The following DLG2 variants were observed in gnomAD, a reference collection of about 807,000 sequenced individuals.
The protein encoded by DLG2 is discs large MAGUK scaffold protein 2, also known as disks large homolog 2.
A neutral mutation model predicts 132.5 loss-of-function variants in DLG2; 45 were observed. That is an observed-to-expected ratio of 0.34 (90% CI 0.27 to 0.44). DLG2 has a LOEUF of 0.44. Among genes scored for constraint, DLG2 ranks in the 20% least tolerant of loss-of-function variants. The pLI, the probability that DLG2 is intolerant of heterozygous loss-of-function variation, is 1.00. For synonymous variants in DLG2, 424 were observed against 419.6 expected (o/e 1.01, Z -0.13); for missense variants, 1,045 against 1,196.9 (o/e 0.87, Z 1.87).
At chr11:84,208,265 C>T (rs1435232826) in intron 8 of DLG2, among the ~76,000 whole-genome samples, 2 of 151,770 alleles carry the variant, frequency 1.3e-5, no homozygotes, top group African/African-American at 2.4e-5. Context: ...ACACAACCGA[C>T]TTTGGTGCAC....
At chr11:84,463,704 A>AT (rs1429294925) in intron 7 of DLG2, among the ~76,000 whole-genome samples, 1 of 151,342 alleles carries the variant, frequency 6.6e-6, no homozygotes, top group African/African-American at 2.4e-5. Flanking sequence ...CTCAGGGTCT[A>AT]TCGTGTTTGA....
At chr11:85,543,148 C>T (rs2076084041) in intron 3 of DLG2, among the ~76,000 whole-genome samples, 1 of 152,168 alleles carries the variant, frequency 6.6e-6, no homozygotes, top group African/African-American at 2.4e-5. Flanking sequence ...GGCCCCCATC[C>T]TCAACAGGCT....
chr11:83,578,371 G>A (rs901608243), intron 19 of DLG2, among the ~76,000 whole-genome samples: 1 of 151,780 alleles, frequency 6.6e-6, no homozygotes, highest in African/African-American at 2.4e-5. Context: ...AGAGAATAGA[G>A]AACAGTACCA....
chr11:85,227,140 C>G (rs1423771065), intron 4 of DLG2, among the ~76,000 whole-genome samples: 1 of 152,016 alleles, frequency 6.6e-6, no homozygotes, highest in Non-Finnish European at 1.5e-5. Flanking sequence ...AAAATAGCAT[C>G]TATGAAAGGA....
chr11:85,131,261 A>G (rs2075684489), intron 5 of DLG2, among the ~76,000 whole-genome samples: 1 of 152,138 alleles, frequency 6.6e-6, no homozygotes, highest in Non-Finnish European at 1.5e-5. Flanking sequence ...AATATAGTAG[A>G]CTTCTAGTTT....
At chr11:85,195,787 A>G (rs2081019955) in intron 4 of DLG2, among the ~76,000 whole-genome samples, 1 of 152,000 alleles carries the variant, frequency 6.6e-6, no homozygotes, top group South Asian at 2.1e-4. Context: ...CGGCCTCCCA[A>G]AGTGCTGGGA....
chr11:84,417,742 C>T (rs2098934677), intron 7 of DLG2, among the ~76,000 whole-genome samples: 1 of 152,154 alleles, frequency 6.6e-6, no homozygotes, highest in South Asian at 2.1e-4. Context: ...AAAACAATGA[C>T]AGAATTCATG....
intron 6 of DLG2, among the ~76,000 whole-genome samples, chr11:84,959,162 A>C (rs2052155950): frequency 6.6e-6 from 1 of 152,150 alleles, no homozygotes; most frequent in African/African-American, 2.4e-5. Context: ...ATTCTAAATG[A>C]ATCAAGGGTC....
intron 18 of DLG2, among the ~76,000 whole-genome samples, chr11:83,729,098 C>A (rs953771963): frequency 1.3e-5 from 2 of 152,006 alleles, no homozygotes; most frequent in Non-Finnish European, 2.9e-5. Flanking sequence ...AAAGTCCCAC[C>A]CAGGAAAGAC....
At chr11:84,937,105 T>A (rs2048842380) in intron 6 of DLG2, among the ~76,000 whole-genome samples, 1 of 152,182 alleles carries the variant, frequency 6.6e-6, no homozygotes, top group Admixed American at 6.5e-5. Flanking sequence ...TGAGCCGAGA[T>A]CATGCCATTG....
At chr11:84,844,427 C>T (rs1315522056) in intron 6 of DLG2, among the ~76,000 whole-genome samples, 4 of 151,788 alleles carry the variant, frequency 2.6e-5, no homozygotes, top group South Asian at 4.2e-4. Context: ...CCCCTCCCCA[C>T]ATTCCACAAT....
rs544156968 is a variant in DLG2 at position 84,159,539 on chromosome 11, G to A, written c.624+3922C>T. On this transcript the variant is annotated intron_variant, in intron 9 of 27. Coordinates refer to ENST00000376104, the MANE Select transcript of DLG2 (RefSeq NM_001142699.3). ...TTGTTTGAGAAACGTCAAGGTCACCGTGGCTAGAGTGAAATTTATGAAGAG... is the reference window on the plus strand; with the variant it reads ...TTGTTTGAGAAACGTCAAGGTCACCATGGCTAGAGTGAAATTTATGAAGAG... Among the ~76,000 whole-genome samples the A allele has an allele frequency of 2.6e-5, 4 of 152,308 alleles. No individual in the cohort carries two copies. The South Asian group carries it at 6.2e-4, about 24-fold the overall frequency.
rs554494283 is a variant in DLG2, at chr11:84,162,166, A to C, written c.624+1295T>G. ...TTTACATTTTTATTTCTTATACTAA[A>C]TGTGGTATGCGTTTATCATAGAAGG... On this transcript the variant is annotated intron_variant, in intron 9 of 27. Transcript: ENST00000376104. 2.6e-5 allele frequency among the ~76,000 whole-genome samples: 4 copies of C among 152,298 alleles called. 1 individual carries two copies. The East Asian group carries it at 7.7e-4, about 29-fold the overall frequency.
chr11:83,757,042 C>T (rs1423441800), intron 18 of DLG2, among the ~76,000 whole-genome samples: 4 of 152,130 alleles, frequency 2.6e-5, no homozygotes, highest in African/African-American at 9.7e-5. Context: ...ATAGTTATCA[C>T]CTGTCCTATT....
At chr11:85,319,455 C>T (rs1392206885) in intron 3 of DLG2, among the ~76,000 whole-genome samples, 1 of 151,768 alleles carries the variant, frequency 6.6e-6, no homozygotes, top group African/African-American at 2.4e-5. Flanking sequence ...TATTTATTCA[C>T]TAAATTCTAG....
chr11:84,965,298 C>A (rs183169859), intron 6 of DLG2, among the ~76,000 whole-genome samples: 1 of 151,788 alleles, frequency 6.6e-6, no homozygotes, highest in Admixed American at 6.6e-5. Context: ...TGTGTGTGCA[C>A]GGTTTTAAAC....
intron 17 of DLG2, chr11:83,791,099 G>A: frequency 2.9e-6 from 2 of 678,520 alleles, no homozygotes; most frequent in East Asian, 2.6e-5. Context: ...GACTGGAAGA[G>A]TGGCCTTGAC....
At chr11:84,649,512 A>C (rs1337253184) in intron 6 of DLG2, among the ~76,000 whole-genome samples, 2 of 152,212 alleles carry the variant, frequency 1.3e-5, no homozygotes, top group African/African-American at 2.4e-5. Context: ...GTTTGATTTC[A>C]GTGTGTTGAT....
chr11:83,687,134 C>T (rs896628589), intron 18 of DLG2, among the ~76,000 whole-genome samples: 6 of 152,142 alleles, frequency 3.9e-5, no homozygotes, highest in South Asian at 2.1e-4. Flanking sequence ...CTAGTGCCTT[C>T]GCAGGAAGAA....
Sources: allele counts gnomAD v4.1 joint callset (sites outside exome capture counted in the v4.1 genomes callset), GRCh38; gene constraint gnomAD v4.1.1; transcripts MANE v1.5; gene names NCBI Gene and HGNC (gene_info 2026-07-23, HGNC 2026-07-21).